Variants in DNAH10 observed in about 807,000 individuals in gnomAD.
DNAH10 encodes dynein axonemal heavy chain 10.
Under a neutral mutation model 506.6 loss-of-function variants are expected in DNAH10, and 348 were observed. The observed-to-expected ratio is 0.69, with a 90% CI of 0.63 to 0.75. The LOEUF (loss-of-function observed/expected upper bound fraction) is 0.75. DNAH10 is among the 30% of genes least tolerant of loss of function. The probability of loss-of-function intolerance (pLI) is 0.00; values close to 1 mark genes in which losing one functional copy is unlikely to be tolerated. For synonymous variants in DNAH10, 2,059 were observed against 2,198.6 expected (o/e 0.94, Z 1.78); for missense variants, 5,179 against 5,787.1 (o/e 0.89, Z 3.41).
chr12:123,842,948 C>T (rs1950823096), intron 30 of DNAH10, among the ~76,000 whole-genome samples: 1 of 152,226 alleles, frequency 6.6e-6, no homozygotes, highest in Admixed American at 6.5e-5. Context: ...TATTTCAAAA[C>T]TGAACTAGAC....
chr12:123,887,451 C>A, intron 52 of DNAH10, 138 bp downstream of exon 52: 1 of 1,020,616 alleles, frequency 9.8e-7, no homozygotes, highest in East Asian at 2.7e-5. Flanking sequence ...CACGGCGGCC[C>A]CTGAGATAGG....
intron 21 of DNAH10, chr12:123,814,154 C>A (rs562292055): frequency 8.8e-6 from 3 of 341,614 alleles, no homozygotes; most frequent in Non-Finnish European, 1.0e-5. Flanking sequence ...TCTCCCTTTT[C>A]TTTTCTTCTT....
intron 57 of DNAH10, among the ~76,000 whole-genome samples, chr12:123,905,976 G>C (rs1391879779): frequency 6.6e-6 from 1 of 151,800 alleles, no homozygotes; most frequent in Non-Finnish European, 1.5e-5. Flanking sequence ...GGAGTGCAGT[G>C]GCACGATCTC....
chr12:123,859,246 A>C lies in DNAH10; in HGVS notation c.6727A>C (p.Thr2243Pro). 1 of 1,607,790 alleles carries C rather than the reference A, an allele frequency of 6.2e-7. No homozygotes were observed. Among genetic ancestry groups the C allele is most frequent in the Non-Finnish European group, 8.5e-7 (1 of 1,177,762 alleles). The change falls in exon 38 of 79, where the codon ACT (threonine) becomes CCT (proline). Residue 2243 changes from threonine to proline, a missense_variant. Thr to Pro is a conservative substitution (Grantham distance 38). Coordinates refer to ENST00000673944, the MANE Select transcript of DNAH10 (RefSeq NM_001372106.1). The part of the protein sequence containing the change: ...TRGGKSVVIN[T>P]LCQAQTKLGL... ...AGGGGGCAAGTCCGTCGTCATTAACACTCTGTGTCAGGCCCAGACCAAGTG... is the reference window on the plus strand; with the variant it reads ...AGGGGGCAAGTCCGTCGTCATTAACCCTCTGTGTCAGGCCCAGACCAAGTG...
intron 24 of DNAH10, among the ~76,000 whole-genome samples, chr12:123,825,308 A>G (rs1594120843): frequency 1.3e-5 from 2 of 152,300 alleles, no homozygotes; most frequent in East Asian, 3.9e-4. Context: ...AAGAGAAAGC[A>G]TGGTCCTTGC....
chr12:123,841,645 G>A, intron 30 of DNAH10, 100 bp downstream of exon 30: 2 of 1,229,244 alleles, frequency 1.6e-6, no homozygotes, highest in Non-Finnish European at 1.1e-6. Flanking sequence ...TTCCAAATGA[G>A]GTTTTGTTTT....
chr12:123,930,368 G>C (rs1955148444), intron 72 of DNAH10, 34 bp from the exon 73 acceptor site: 1 of 1,495,466 alleles, frequency 6.7e-7, no homozygotes, highest in Non-Finnish European at 8.9e-7. Context: ...TAGGTTCTGA[G>C]CTCCTGGCTG....
rs1031131671 is a variant in DNAH10 at position 123,902,346 on chromosome 12, G to A, written c.9641-593G>A. On this transcript the variant is annotated intron_variant, in intron 56 of 78. Transcript: ENST00000673944. The surrounding 1 kb of genome is among the most constrained non-coding windows in gnomAD (Gnocchi z 4.5). ...CACTGTTCAAACCACTGTGAGCCAA[G>A]CCCTGCTCTAGGTTTTGGGGTTCCG... Among the ~76,000 whole-genome samples the A allele has an allele frequency of 1.6e-4, 24 of 152,224 alleles. No homozygotes were observed. Among genetic ancestry groups the A allele is most frequent in the African/African-American group, 5.8e-4 (24 of 41,450 alleles).
intron 37 of DNAH10, 49 bp from the exon 38 acceptor site, chr12:123,859,101 T>A (rs1423460335): frequency 6.6e-7 from 1 of 1,525,686 alleles, no homozygotes; most frequent in Non-Finnish European, 8.9e-7. Context: ...TAAAACTGCG[T>A]CAGAAAAAAG....
rs1286998979 is a variant in DNAH10, at chr12:123,813,140, T to A, written c.3145-24T>A. 1.9e-6 allele frequency: 3 copies of A among 1,565,586 alleles called. No individual in the cohort carries two copies. In the Admixed American group the frequency reaches 5.4e-5, roughly 28 times the overall value. On this transcript the variant is annotated intron_variant, in intron 19 of 78. Transcript: ENST00000673944. ...AAAATAGATACTAAAATACTGTCTT[T>A]TCTCCTAATTCTTACTTTGCCAGCA... is the stretch of plus-strand genomic sequence containing the variant.
chr12:123,821,843 C>A (rs1959439556), intron 24 of DNAH10, among the ~76,000 whole-genome samples: 1 of 151,776 alleles, frequency 6.6e-6, no homozygotes, highest in East Asian at 1.9e-4. Context: ...CTGAGATGGG[C>A]AGATTACTTG....
intron 65 of DNAH10, among the ~76,000 whole-genome samples, chr12:123,920,326 G>C (rs1162253448): frequency 6.6e-6 from 1 of 152,246 alleles, no homozygotes; most frequent in African/African-American, 2.4e-5. Context: ...CAGATAGTAA[G>C]TGTTTTAGGC....
In DNAH10 at chr12:123,877,828, T is replaced by C; in HGVS notation, c.8292T>C (p.Thr2764=). The change falls in exon 48 of 79, where the codon ACT becomes ACC. Residue 2764 remains threonine, a synonymous_variant. Transcript: ENST00000673944. ...ATATTGTGCAAGACCTACCTCCCAC[T>C]CCGTCAAAGTTCCATTACATCTTCA... ...YKNIVQDLPP[T]PSKFHYIFNL... 6.2e-7 allele frequency: 1 copy of C among 1,614,040 alleles called. No individual in the cohort carries two copies. Among genetic ancestry groups the C allele is most frequent in the Non-Finnish European group, 8.5e-7 (1 of 1,179,898 alleles).
chr12:123,802,760 C>G (rs1267854712), intron 16 of DNAH10, among the ~76,000 whole-genome samples: 1 of 145,954 alleles, frequency 6.9e-6, no homozygotes, highest in African/African-American at 2.6e-5. Context: ...TTTTGGCCAT[C>G]TGATAGCTGT....
chr12:123,774,684 C>T (rs553774013), intron 5 of DNAH10, among the ~76,000 whole-genome samples: 2 of 152,352 alleles, frequency 1.3e-5, no homozygotes, highest in African/African-American at 2.4e-5. Flanking sequence ...AGGCATAAAT[C>T]GCTCATGCTA....
At position 123,841,518 on chromosome 12, in the gene DNAH10, T is replaced by C. The variant is rs778520416; in HGVS notation, c.5333T>C (p.Ile1778Thr). The change falls in exon 30 of 79, where the codon ATT becomes ACT. Residue 1778 changes from isoleucine (I) to threonine (T), a missense_variant. Physicochemically the swap from Ile to Thr is moderately conservative, Grantham distance 89. This residue lies in a region of DNAH10 where 4,844 missense variants were observed against 5,430.5 expected (regional missense o/e 0.89). Coordinates refer to ENST00000673944, the MANE Select transcript of DNAH10 (RefSeq NM_001372106.1). Reference sequence around the variant, plus strand: ...AATAGACTAATTACCAAAGAGGCTATTTTTAGATACTGTGAAGACAGAAGC... The same window carrying C: ...AATAGACTAATTACCAAAGAGGCTACTTTTAGATACTGTGAAGACAGAAGC... Reference protein sequence around the residue: ...RTNRLITKEAIFRYCEDRSRV... With the variant: ...RTNRLITKEATFRYCEDRSRV... The C allele has an allele frequency of 1.2e-6, 2 of 1,613,862 alleles. No individual in the cohort carries two copies. The highest frequency in any genetic ancestry group is 1.3e-5 in the African/African-American group (1 of 74,918).
intron 54 of DNAH10, among the ~76,000 whole-genome samples, 198 bp from the exon 55 acceptor site, chr12:123,897,572 A>G (rs1349350018): frequency 2.0e-5 from 3 of 152,038 alleles, no homozygotes; most frequent in African/African-American, 7.2e-5. Flanking sequence ...AAATAATACA[A>G]AAAATTACCC....
Position 123,865,877 on chromosome 12 carries a change from A to G in DNAH10, c.7045-74A>G, listed in dbSNP as rs907322985. 3.5e-6 allele frequency: 5 copies of G among 1,410,564 alleles called. No homozygotes were observed. In the Admixed American group the frequency reaches 1.1e-4, roughly 30 times the overall value. The allele number at this position is 1,410,564 out of a possible 1,614,324, so 87.4% of individuals were successfully genotyped here. On this transcript the variant is annotated intron_variant, in intron 40 of 78. Coordinates refer to ENST00000673944, the MANE Select transcript of DNAH10 (RefSeq NM_001372106.1). The stretch of plus-strand genomic sequence containing the variant: ...TCATGCAGTTGTAAAAACTTTCCAT[A>G]AGAGAAGGTCCTTAAACATCTAGTT...
At chr12:123,825,692 C>A (rs1044230038) in intron 24 of DNAH10, among the ~76,000 whole-genome samples, 4 of 151,978 alleles carry the variant, frequency 2.6e-5, no homozygotes, top group Admixed American at 1.3e-4. Flanking sequence ...AATGGGGCAG[C>A]TTTTGAGGGT....
Sources: gnomAD v4.1 joint callset for allele counts (sites outside exome capture counted in the v4.1 genomes callset) on GRCh38, gnomAD v4.1.1 for gene constraint, gnomAD v4.1.1 regional missense constraint, Gnocchi (gnomAD v3.1) non-coding constraint, MANE v1.5 for transcripts, NCBI Gene and HGNC (gene_info 2026-07-23, HGNC 2026-07-21) for gene names.